Variants in ATCAY observed in about 807,000 individuals in gnomAD.
The protein encoded by ATCAY is ATCAY kinesin light chain interacting caytaxin, also known as caytaxin.
A neutral mutation model predicts 47.7 loss-of-function variants in ATCAY; 22 were observed. The observed-to-expected ratio is 0.46, with a 90% CI of 0.33 to 0.66. ATCAY has a LOEUF of 0.66. Among genes scored for constraint, ATCAY ranks in the 30% least tolerant of loss-of-function variants. The pLI is 0.02. For synonymous variants in ATCAY, 216 were observed against 207.6 expected (o/e 1.04, Z -0.35); for missense variants, 452 against 515.0 (o/e 0.88, Z 1.18).
At chr19:3,913,266 T>C (rs928033584) in intron 8 of ATCAY, among the ~76,000 whole-genome samples, 11 of 152,010 alleles carry the variant, frequency 7.2e-5, no homozygotes, top group Non-Finnish European at 1.5e-4. Flanking sequence ...CCAGCCTGGG[T>C]GAAGAGCAAG....
intron 1 of ATCAY, among the ~76,000 whole-genome samples, chr19:3,883,472 G>A (rs2038621035): frequency 6.6e-6 from 1 of 152,168 alleles, no homozygotes; most frequent in Non-Finnish European, 1.5e-5. Context: ...AAATCCTTTC[G>A]CAAACACGGG....
In ATCAY at chr19:3,907,362, C is replaced by T. The variant is rs1355547210; in HGVS notation, c.359-372C>T. 6.6e-6 allele frequency among the ~76,000 whole-genome samples: 1 copy of T among 152,088 alleles called. No homozygotes were observed. The highest frequency in any genetic ancestry group is 1.5e-5 in the Non-Finnish European group (1 of 68,022). On this transcript the variant is annotated intron_variant, in intron 4 of 12. Coordinates refer to ENST00000450849, the MANE Select transcript of ATCAY (RefSeq NM_033064.5). This position sits in a 1 kb window ranked among gnomAD's most constrained non-coding sequence, Gnocchi z 5.1. Reference sequence around the variant, plus strand: ...GGGAGGCTGAGGCAGGAGGACTGCTCTCTGTGTGCCAGGCTCCTGGGAGAG... The same window carrying T: ...GGGAGGCTGAGGCAGGAGGACTGCTTTCTGTGTGCCAGGCTCCTGGGAGAG...
chr19:3,913,473 C>T (rs775165750), intron 8 of ATCAY, among the ~76,000 whole-genome samples: 1 of 152,186 alleles, frequency 6.6e-6, no homozygotes, highest in Non-Finnish European at 1.5e-5. Flanking sequence ...ACAATCTCCC[C>T]ACCTCCTGAC....
intron 6 of ATCAY, 99 bp downstream of exon 6, chr19:3,908,469 G>A (rs2038886282): frequency 2.6e-6 from 3 of 1,132,104 alleles, no homozygotes; most frequent in Non-Finnish European, 3.9e-6. Context: ...GCCCTAGGAA[G>A]CCTGCCTGGC....
At chr19:3,888,531 G>A (rs1321859638) in intron 2 of ATCAY, among the ~76,000 whole-genome samples, 8 of 152,044 alleles carry the variant, frequency 5.3e-5, no homozygotes, top group Non-Finnish European at 8.8e-5. Context: ...TCAGGAGGCT[G>A]AGGCAGGAAA....
chr19:3,911,556 T>A (rs1194210490), intron 8 of ATCAY, among the ~76,000 whole-genome samples: 2 of 110,926 alleles, frequency 1.8e-5, no homozygotes, highest in African/African-American at 7.6e-5. Context: ...TATGTATGTA[T>A]AAATAAATAA....
chr19:3,914,315 G>A (rs2038948553), intron 9 of ATCAY, among the ~76,000 whole-genome samples: 1 of 151,332 alleles, frequency 6.6e-6, no homozygotes, highest in Non-Finnish European at 1.5e-5. Context: ...AAGGCAAAAG[G>A]CACGTCTCCC....
In ATCAY at chr19:3,920,041, G is replaced by A. The variant is rs73530337; in HGVS notation, c.1074-725G>A. ...TCCTCATAGGGCTTACAGCCTCCAC[G>A]AACAGGTAGAAAATGCCCAAGAATG... On this transcript the variant is annotated intron_variant, in intron 11 of 12. Transcript: ENST00000450849. 4.4e-3 allele frequency among the ~76,000 whole-genome samples: 677 copies of A among 152,258 alleles called. 6 individuals carry two copies. Among genetic ancestry groups the A allele is most frequent in the African/African-American group, 0.015 (643 of 41,546 alleles).
chr19:3,898,985 T>C (rs1280798718), intron 2 of ATCAY, among the ~76,000 whole-genome samples: 1 of 151,918 alleles, frequency 6.6e-6, no homozygotes, highest in Non-Finnish European at 1.5e-5. Flanking sequence ...TGGCCGTCAA[T>C]GGACTCTTGA....
intron 10 of ATCAY, among the ~76,000 whole-genome samples, chr19:3,918,293 G>A (rs1473357863): frequency 1.3e-5 from 2 of 151,962 alleles, no homozygotes; most frequent in African/African-American, 4.8e-5. Flanking sequence ...GCTGAGCCAG[G>A]AGAATCACTT....
At chr19:3,909,685 G>C in intron 7 of ATCAY, 68 bp downstream of exon 7, 2 of 1,537,174 alleles carry the variant, frequency 1.3e-6, no homozygotes, top group Non-Finnish European at 1.8e-6. Context: ...GGACATGGTG[G>C]CTCACACCTG....
intron 2 of ATCAY, among the ~76,000 whole-genome samples, chr19:3,887,451 CTG>C (rs1377063407): frequency 6.6e-6 from 1 of 151,690 alleles, no homozygotes; most frequent in East Asian, 1.9e-4. Context: ...GAGCGAGACT[CTG>C]TCTCTATTTT....
intron 1 of ATCAY, among the ~76,000 whole-genome samples, chr19:3,882,084 T>C (rs1305908316): frequency 2.0e-5 from 3 of 151,968 alleles, no homozygotes; most frequent in Non-Finnish European, 2.9e-5. Context: ...TAAGCCACAG[T>C]CCCCTGTCCC....
chr19:3,913,707 C>A (rs541000774), intron 8 of ATCAY, 51 bp from the exon 9 acceptor site: 1 of 1,471,268 alleles, frequency 6.8e-7, no homozygotes, highest in Middle Eastern at 1.7e-4. Context: ...CTAGGTAACC[C>A]CCACCCCATG....
Position 3,880,733 on chromosome 19 carries a change from G to T in ATCAY, c.-317G>T. ...GAAGCAGCTACCTCGGAGGCAGGGC[G>T]CGCAGGCGGGCGGCGATGAGAGGGG... On this transcript the variant is annotated 5_prime_UTR_variant, in exon 1 of 13. Coordinates refer to ENST00000450849, the MANE Select transcript of ATCAY (RefSeq NM_033064.5). 1 of 152,676 alleles carries T rather than the reference G, an allele frequency of 6.5e-6. No homozygotes were observed. Among genetic ancestry groups the T allele is most frequent in the South Asian group, 2.0e-4 (1 of 4,932 alleles). The allele number at this position is 152,676 out of a possible 1,614,324, so 9.5% of individuals were successfully genotyped here. A position where few individuals can be genotyped will look rare whatever the true frequency, so the allele number is the denominator to read the frequency against.
At chr19:3,911,574 G>GACT (rs1169461799) in intron 8 of ATCAY, among the ~76,000 whole-genome samples, 3 of 94,404 alleles carry the variant, frequency 3.2e-5, no homozygotes, top group African/African-American at 1.4e-4. Context: ...TAAATAATAT[G>GACT]ACTAATAAAT....
At chr19:3,908,800 C>T (rs1346040823) in intron 6 of ATCAY, among the ~76,000 whole-genome samples, 1 of 108,682 alleles carries the variant, frequency 9.2e-6, no homozygotes, top group African/African-American at 3.6e-5. Context: ...TCTTCCTCCC[C>T]TTTCTCCACC....
intron 10 of ATCAY, 113 bp from the exon 11 acceptor site, chr19:3,918,693 G>T: frequency 9.2e-7 from 1 of 1,085,492 alleles, no homozygotes; most frequent in Non-Finnish European, 1.4e-6. Flanking sequence ...TCACTGGTTT[G>T]GAAAACAGGT....
At position 3,925,429 on chromosome 19, in the gene ATCAY, C is replaced by T. The variant is rs981022218; in HGVS notation, c.*837C>T. The T allele has an allele frequency of 1.3e-5, 2 of 152,204 alleles. No homozygotes were observed. The highest frequency in any genetic ancestry group is 6.6e-5 in the Admixed American group (1 of 15,264). The allele number at this position is 152,204 out of a possible 1,614,324, so 9.4% of individuals were successfully genotyped here. A position where few individuals can be genotyped will look rare whatever the true frequency, so the allele number is the denominator to read the frequency against. On this transcript the variant is annotated 3_prime_UTR_variant, in exon 13 of 13. Transcript: ENST00000450849. This position sits in a 1 kb window ranked among gnomAD's most constrained non-coding sequence, Gnocchi z 4.4. ...AGGCTGGGACACGCCAACGCTGTTC[C>T]GGGTTGGAACAGCAGAGGCTCAGAA...
Sources: gnomAD v4.1 joint callset for allele counts (sites outside exome capture counted in the v4.1 genomes callset) on GRCh38, gnomAD v4.1.1 for gene constraint, Gnocchi (gnomAD v3.1) non-coding constraint, MANE v1.5 for transcripts, NCBI Gene and HGNC (gene_info 2026-07-23, HGNC 2026-07-21) for gene names.